The following DHRSX variants were observed in gnomAD, a reference collection of about 807,000 sequenced individuals.
DHRSX encodes dehydrogenase/reductase X-linked.
In DHRSX, 31 loss-of-function variants were observed where a neutral mutation model predicts 34.0. That is an observed-to-expected ratio of 0.91 (90% confidence interval 0.69 to 1.23). The LOEUF is 1.23. Among genes scored for constraint, DHRSX ranks in the 50% most tolerant of loss-of-function variants. DHRSX has a pLI of 0.00. For synonymous variants in DHRSX, 201 were observed against 183.8 expected, an observed-to-expected ratio of 1.09 and a Z score of -0.76; for missense variants, 414 against 428.1, an observed-to-expected ratio of 0.97 and a Z score of 0.29.
intron 3 of DHRSX, among the ~76,000 whole-genome samples, chrX:2,363,106 C>T (rs1474662451): frequency 6.8e-5 from 8 of 118,494 alleles, no homozygotes; most frequent in Admixed American, 8.8e-5. Flanking sequence ...GGTATCATGC[C>T]GCCATTTTAT....
chrX:2,269,044 T>G (rs139069173), intron 4 of DHRSX, among the ~76,000 whole-genome samples: 1 of 152,364 alleles, frequency 6.6e-6, no homozygotes, highest in Non-Finnish European at 1.5e-5. Context: ...TAGATCTATT[T>G]CTGTATTTGT....
At chrX:2,499,428 C>T (rs1007787907) in intron 1 of DHRSX, among the ~76,000 whole-genome samples, 1 of 151,276 alleles carries the variant, frequency 6.6e-6, no homozygotes, top group African/African-American at 2.4e-5. Flanking sequence ...AATTAACATT[C>T]CCTTTATTCC....
intron 6 of DHRSX, among the ~76,000 whole-genome samples, chrX:2,239,743 T>C (rs1268446708): frequency 6.6e-6 from 1 of 151,912 alleles, no homozygotes; most frequent in Admixed American, 6.6e-5. Flanking sequence ...CACTCCAGCC[T>C]GGGCAACAGA....
At chrX:2,356,571 C>A (rs2042854914) in intron 3 of DHRSX, among the ~76,000 whole-genome samples, 1 of 152,132 alleles carries the variant, frequency 6.6e-6, no homozygotes, top group Admixed American at 6.6e-5. Context: ...GAAAGAGACA[C>A]AGAAACATAG....
intron 3 of DHRSX, among the ~76,000 whole-genome samples, chrX:2,366,472 A>G (rs781384264): frequency 9.9e-5 from 15 of 152,234 alleles, no homozygotes; most frequent in African/African-American, 3.6e-4. Context: ...GAAAAAGAAA[A>G]TAGTTCAGGT....
intron 1 of DHRSX, among the ~76,000 whole-genome samples, chrX:2,457,119 G>A (rs1298175839): frequency 1.3e-5 from 2 of 152,124 alleles, no homozygotes; most frequent in Non-Finnish European, 2.9e-5. Context: ...GCAGCTTACA[G>A]GGAGCAAATG....
chrX:2,242,686 G>A (rs1015692543), intron 6 of DHRSX, among the ~76,000 whole-genome samples: 20 of 152,190 alleles, frequency 1.3e-4, no homozygotes, highest in Admixed American at 1.1e-3. Flanking sequence ...TCCCACCAGC[G>A]CCAGGACAGT....
intron 1 of DHRSX, chrX:2,486,780 TAAAA>T (rs1415731072): frequency 6.6e-6 from 1 of 152,250 alleles, no homozygotes; most frequent in Non-Finnish European, 1.5e-5. Flanking sequence ...CCGCTTCCCT[TAAAA>T]AGAAAGCAAA....
chrX:2,345,631 G>A (rs764765552), intron 3 of DHRSX, among the ~76,000 whole-genome samples: 1 of 145,834 alleles, frequency 6.9e-6, no homozygotes, highest in Non-Finnish European at 1.5e-5. Flanking sequence ...CCCCAGCCTG[G>A]GCAACAAGAG....
At chrX:2,363,091 T>G (rs1420447541) in intron 3 of DHRSX, among the ~76,000 whole-genome samples, 2 of 138,060 alleles carry the variant, frequency 1.4e-5, no homozygotes, top group East Asian at 4.8e-4. Flanking sequence ...TTATCACCGT[T>G]CTATGGTATC....
intron 1 of DHRSX, among the ~76,000 whole-genome samples, chrX:2,426,420 T>C (rs1471300779): frequency 6.7e-6 from 1 of 148,396 alleles, no homozygotes; most frequent in Admixed American, 6.7e-5. Context: ...TCTTCCTTCA[T>C]TCCTTCCTTC....
intron 1 of DHRSX, among the ~76,000 whole-genome samples, chrX:2,431,740 C>G (rs778475990): frequency 6.6e-6 from 1 of 152,238 alleles, no homozygotes; most frequent in South Asian, 2.1e-4. Flanking sequence ...GAACAATAAA[C>G]ACTGAGCAAT....
intron 1 of DHRSX, among the ~76,000 whole-genome samples, chrX:2,485,696 G>C (rs375259470): frequency 6.5e-5 from 6 of 92,088 alleles, no homozygotes; most frequent in African/African-American, 2.5e-4. Flanking sequence ...GAGGCAGAGA[G>C]GGAGGGGAGG....
At chrX:2,411,464 G>A (rs951676368) in intron 2 of DHRSX, among the ~76,000 whole-genome samples, 4 of 150,428 alleles carry the variant, frequency 2.7e-5, no homozygotes, top group African/African-American at 9.9e-5. Flanking sequence ...CAGGAGAATT[G>A]CTTGAACCAG....
chrX:2,405,788 C>G (rs1161567786), intron 3 of DHRSX, among the ~76,000 whole-genome samples: 1 of 151,774 alleles, frequency 6.6e-6, no homozygotes, highest in Admixed American at 6.6e-5. Context: ...CAGAGTGAGA[C>G]CCTGTATCAA....
rs1200362965 is a variant in DHRSX, at chrX:2,464,507, G to C, written c.109+36310C>G. Among the ~76,000 whole-genome samples, 4 of 80,430 alleles carry C rather than the reference G, an allele frequency of 5.0e-5. 1 individual carries two copies. Among genetic ancestry groups the C allele is most frequent in the African/African-American group, 2.3e-4 (4 of 17,174 alleles). 52.8% of individuals were successfully genotyped at this position (80,430 alleles called of 152,430 possible). A position where few individuals can be genotyped will look rare whatever the true frequency, so the allele number is the denominator to read the frequency against. The stretch of plus-strand genomic sequence containing the variant: ...AGAATGCGTCCAGGGGACTGCTGCC[G>C]TGTGCACACTGAAGATGTTCCCTAA... On this transcript the variant is annotated intron_variant, in intron 1 of 6. Coordinates refer to ENST00000334651, the MANE Select transcript of DHRSX (RefSeq NM_145177.3).
intron 1 of DHRSX, among the ~76,000 whole-genome samples, chrX:2,484,051 C>G (rs952619974): frequency 2.6e-5 from 4 of 152,226 alleles, no homozygotes; most frequent in Admixed American, 1.3e-4. Context: ...TCTTAGCTCA[C>G]TACAACCTCC....
chrX:2,226,863 C>A (rs1462578768), intron 6 of DHRSX, among the ~76,000 whole-genome samples: 1 of 151,928 alleles, frequency 6.6e-6, no homozygotes, highest in African/African-American at 2.4e-5. Context: ...TAGGGCAGCA[C>A]AGAGAATGTG....
intron 3 of DHRSX, among the ~76,000 whole-genome samples, chrX:2,324,530 G>C (rs767833470): frequency 6.0e-4 from 92 of 152,188 alleles, no homozygotes; most frequent in African/African-American, 2.2e-3. Context: ...GCTTGCAAGG[G>C]TTCCATAACA....
Sources: allele counts gnomAD v4.1 joint callset (sites outside exome capture counted in the v4.1 genomes callset), GRCh38; gene constraint gnomAD v4.1.1; transcripts MANE v1.5; gene names NCBI Gene and HGNC (gene_info 2026-07-23, HGNC 2026-07-21).